SLC35F1: variants seen among roughly 807,000 people sequenced by gnomAD.
The protein encoded by SLC35F1 is solute carrier family 35 member F1.
A neutral mutation model predicts 48.7 loss-of-function variants in SLC35F1; 14 were observed. The observed-to-expected ratio is 0.29, with a 90% CI of 0.19 to 0.45. The LOEUF (loss-of-function observed/expected upper bound fraction) is 0.45. Ranked by LOEUF, SLC35F1 falls within the 20% of genes least tolerant of loss-of-function variation. The pLI, the probability that SLC35F1 is intolerant of heterozygous loss-of-function variation, is 1.00. For missense variants in SLC35F1, 404 were observed against 500.0 expected (o/e 0.81, Z 1.83); for synonymous variants, 190 against 202.2 (o/e 0.94, Z 0.51).
intron 7 of SLC35F1, among the ~76,000 whole-genome samples, chr6:118,306,858 C>T (rs183188676): frequency 4.6e-5 from 7 of 152,250 alleles, no homozygotes; most frequent in Non-Finnish European, 7.4e-5. Flanking sequence ...TTTTAGCTCC[C>T]GATTGCTGTA....
intron 3 of SLC35F1, among the ~76,000 whole-genome samples, chr6:118,262,586 C>G (rs946478612): frequency 2.6e-5 from 4 of 152,288 alleles, no homozygotes; most frequent in Admixed American, 2.6e-4. Context: ...ATCTAGCAGT[C>G]CAGACGCTAG....
intron 3 of SLC35F1, among the ~76,000 whole-genome samples, chr6:118,260,098 G>A (rs1775693747): frequency 6.6e-6 from 1 of 152,098 alleles, no homozygotes; most frequent in African/African-American, 2.4e-5. Context: ...AAAACATCAT[G>A]TTAAATGAAA....
rs559111121 is a variant in SLC35F1, at chr6:118,117,314, T to C, written c.174-37131T>C. Among the ~76,000 whole-genome samples, 49 of 152,344 alleles carry C rather than the reference T, an allele frequency of 3.2e-4. 1 individual carries two copies. The highest frequency in any genetic ancestry group is 1.1e-3 in the African/African-American group (46 of 41,580). Reference sequence around the variant, plus strand: ...TTTTCCTAAGTGAAGGAATACTCAATTTTGCAGAGCAGCTTGCTTCTCCAA... The same window carrying C: ...TTTTCCTAAGTGAAGGAATACTCAACTTTGCAGAGCAGCTTGCTTCTCCAA... On this transcript the variant is annotated intron_variant, in intron 1 of 7. Coordinates refer to ENST00000360388, the MANE Select transcript of SLC35F1 (RefSeq NM_001029858.4).
intron 1 of SLC35F1, among the ~76,000 whole-genome samples, chr6:117,988,715 T>C (rs1459984506): frequency 1.3e-5 from 2 of 152,216 alleles, no homozygotes; most frequent in Non-Finnish European, 2.9e-5. Context: ...ATAAACACCA[T>C]GGCTTAATAA....
chr6:117,920,857 C>T (rs997897389), intron 1 of SLC35F1, among the ~76,000 whole-genome samples: 2 of 151,970 alleles, frequency 1.3e-5, no homozygotes, highest in Non-Finnish European at 1.5e-5. Context: ...TGAAGATGAT[C>T]GATCCATGAT....
At chr6:117,927,820 C>T (rs1239579334) in intron 1 of SLC35F1, among the ~76,000 whole-genome samples, 5 of 152,138 alleles carry the variant, frequency 3.3e-5, no homozygotes, top group Non-Finnish European at 7.4e-5. Context: ...TGTTGGGTTC[C>T]CTCCATTTGT....
At chr6:117,913,570 T>C (rs1775789437) in intron 1 of SLC35F1, among the ~76,000 whole-genome samples, 1 of 152,240 alleles carries the variant, frequency 6.6e-6, no homozygotes, top group Non-Finnish European at 1.5e-5. Context: ...TCTGACACTT[T>C]GGAATTATAC....
At chr6:118,218,417 A>C (rs970425074) in intron 2 of SLC35F1, among the ~76,000 whole-genome samples, 2 of 152,004 alleles carry the variant, frequency 1.3e-5, no homozygotes, top group East Asian at 3.9e-4. Flanking sequence ...TGGTGGAGGG[A>C]GGGCGGGGAT....
intron 1 of SLC35F1, among the ~76,000 whole-genome samples, chr6:118,132,368 G>A (rs1026583640): frequency 1.3e-5 from 2 of 152,192 alleles, no homozygotes; most frequent in Admixed American, 1.3e-4. Context: ...GTGTGTGGCT[G>A]CATGGTTTCT....
intron 1 of SLC35F1, among the ~76,000 whole-genome samples, chr6:117,939,008 CTTTTTTTT>C (rs576443846): frequency 7.6e-6 from 1 of 132,106 alleles, no homozygotes; most frequent in African/African-American, 2.8e-5. Flanking sequence ...AATTCTTGTT[CTTTTTTTT>C]TTTTTTTTTC....
intron 2 of SLC35F1, among the ~76,000 whole-genome samples, chr6:118,217,810 G>A (rs1025799226): frequency 9.2e-5 from 14 of 152,060 alleles, no homozygotes; most frequent in African/African-American, 3.4e-4. Context: ...AACTCTGGTA[G>A]GATATTGCAA....
intron 1 of SLC35F1, among the ~76,000 whole-genome samples, chr6:117,996,718 G>A (rs1776997716): frequency 6.6e-6 from 1 of 152,138 alleles, no homozygotes; most frequent in Admixed American, 6.5e-5. Flanking sequence ...TGCAGCTGAG[G>A]GTCCTGTGTG....
At chr6:118,195,665 G>T (rs1371986971) in intron 2 of SLC35F1, among the ~76,000 whole-genome samples, 1 of 152,140 alleles carries the variant, frequency 6.6e-6, no homozygotes, top group Non-Finnish European at 1.5e-5. Flanking sequence ...CCTCTAACTG[G>T]ATCCAAGACA....
chr6:117,926,305 G>A (rs570334536), intron 1 of SLC35F1, among the ~76,000 whole-genome samples: 1 of 152,262 alleles, frequency 6.6e-6, no homozygotes. Flanking sequence ...GCCCTGTGAA[G>A]AGGTGCTTTC....
chr6:118,088,999 G>A (rs1323308611), intron 1 of SLC35F1, among the ~76,000 whole-genome samples: 1 of 152,058 alleles, frequency 6.6e-6, no homozygotes, highest in African/African-American at 2.4e-5. Flanking sequence ...CACAGTTGGG[G>A]GTCCAAATGT....
intron 1 of SLC35F1, among the ~76,000 whole-genome samples, chr6:118,060,660 G>A (rs1194482874): frequency 1.3e-5 from 2 of 152,118 alleles, no homozygotes; most frequent in African/African-American, 4.8e-5. Flanking sequence ...ATGAATGAAT[G>A]AACGAATCAT....
chr6:118,134,383 G>A (rs1300851450), intron 1 of SLC35F1, among the ~76,000 whole-genome samples: 4 of 152,136 alleles, frequency 2.6e-5, no homozygotes, highest in Non-Finnish European at 4.4e-5. Flanking sequence ...AGTCCAGTTG[G>A]AAACAGGGAA....
intron 3 of SLC35F1, among the ~76,000 whole-genome samples, chr6:118,256,304 A>G (rs550191665): frequency 6.7e-6 from 1 of 150,210 alleles, no homozygotes; most frequent in East Asian, 2.0e-4. Flanking sequence ...CTTCAGTTTT[A>G]CTCACTGGAG....
chr6:117,938,322 CTT>C (rs1413379320), intron 1 of SLC35F1, among the ~76,000 whole-genome samples: 1 of 152,326 alleles, frequency 6.6e-6, no homozygotes, highest in South Asian at 2.1e-4. Context: ...AAAAGTCACT[CTT>C]ATGATTTTGG....
Sources: gnomAD v4.1 joint callset for allele counts (sites outside exome capture counted in the v4.1 genomes callset) on GRCh38, gnomAD v4.1.1 for gene constraint, MANE v1.5 for transcripts, NCBI Gene and HGNC (gene_info 2026-07-23, HGNC 2026-07-21) for gene names.